The following DIAPH2 variants were observed in gnomAD, a reference collection of about 807,000 sequenced individuals.
DIAPH2 encodes protein diaphanous homolog 2.
Under a neutral mutation model 92.7 loss-of-function variants are expected in DIAPH2, and 35 were observed. The observed-to-expected ratio is 0.38, with a 90% CI of 0.29 to 0.50. The LOEUF is 0.50. Ranked by LOEUF, DIAPH2 falls within the 20% of genes least tolerant of loss-of-function variation. The pLI, the probability that DIAPH2 is intolerant of heterozygous loss-of-function variation, is 0.94. For missense variants in DIAPH2, 701 were observed against 819.5 expected (o/e 0.86, Z 1.77); for synonymous variants, 301 against 280.4 (o/e 1.07, Z -0.73).
intron 26 of DIAPH2, among the ~76,000 whole-genome samples, chrX:97,467,128 C>A (rs966845795): frequency 8.9e-6 from 1 of 111,752 alleles, no homozygotes; most frequent in Non-Finnish European, 1.9e-5. Flanking sequence ...GATGAACACA[C>A]CCTTTTATCC....
chrX:97,254,370 T>C (rs1209452083), intron 23 of DIAPH2, among the ~76,000 whole-genome samples: 2 of 109,095 alleles, frequency 1.8e-5, no homozygotes, highest in South Asian at 4.1e-4. Context: ...CAGGCGCCTG[T>C]AATCCCAGCT....
chrX:97,257,001 G>A (rs2068242355), intron 23 of DIAPH2, among the ~76,000 whole-genome samples: 1 of 97,138 alleles, frequency 1.0e-5, no homozygotes, highest in African/African-American at 3.7e-5. Context: ...GATGAAGACT[G>A]AAAAAAAAAA....
At chrX:97,493,041 T>C (rs1290832295) in intron 26 of DIAPH2, among the ~76,000 whole-genome samples, 1 of 111,972 alleles carries the variant, frequency 8.9e-6, no homozygotes, top group Non-Finnish European at 1.9e-5. Flanking sequence ...GTCTGCTTGA[T>C]GATGTTCAGT....
At position 96,957,943 on chromosome X, in the gene DIAPH2, T is replaced by C. The variant is rs779064561; in HGVS notation, c.1730T>C (p.Leu577Pro). 1 of 1,209,548 alleles carries C rather than the reference T, an allele frequency of 8.3e-7. No homozygotes were observed. The highest frequency in any genetic ancestry group is 1.1e-6 in the Non-Finnish European group (1 of 894,536). Reference sequence around the variant, plus strand: ...CCACCTCTACCCGGAGGAGCTCCTCTTCCTCCTCCACCACCTCCTTTACCT... The same window carrying C: ...CCACCTCTACCCGGAGGAGCTCCTCCTCCTCCTCCACCACCTCCTTTACCT... ...PAPPLPGGAP[L>P]PPPPPPLPGM... Residue 577 changes from leucine (L) to proline (P), a missense_variant, in exon 16 of 27, where the codon CTT becomes CCT. By Grantham distance (98) the Leu-to-Pro change is moderately conservative (BLOSUM62 -3). Transcript: ENST00000324765.
At chrX:96,856,888 A>C (rs2065043829) in intron 4 of DIAPH2, among the ~76,000 whole-genome samples, 1 of 110,139 alleles carries the variant, frequency 9.1e-6, no homozygotes, top group East Asian at 2.8e-4. Context: ...AATACAAAAA[A>C]ATTAGCTGGA....
At chrX:97,226,765 G>A (rs942961130) in intron 22 of DIAPH2, among the ~76,000 whole-genome samples, 1 of 112,067 alleles carries the variant, frequency 8.9e-6, no homozygotes, top group African/African-American at 3.2e-5. Context: ...CAGCAGAAAT[G>A]TTTGTGTATT....
intron 13 of DIAPH2, among the ~76,000 whole-genome samples, chrX:96,943,152 TTTATA>T (rs1472978374): frequency 1.8e-5 from 2 of 110,713 alleles, no homozygotes; most frequent in African/African-American, 3.3e-5. Context: ...TTCTTGGAAC[TTTATA>T]TTATGAGAGT....
intron 26 of DIAPH2, among the ~76,000 whole-genome samples, chrX:97,439,855 G>A (rs149031595): frequency 0.016 from 1,816 of 111,542 alleles, 44 homozygotes; most frequent in African/African-American, 0.056. Flanking sequence ...GTGGGTGGTA[G>A]TACATATGTA....
At chrX:97,529,640 A>G (rs977172304) in intron 26 of DIAPH2, among the ~76,000 whole-genome samples, 1 of 112,154 alleles carries the variant, frequency 8.9e-6, no homozygotes, top group African/African-American at 3.2e-5. Context: ...GGGCATATAT[A>G]GAAAAATCAC....
rs759416591 is a variant in DIAPH2 at position 97,073,025 on chromosome X, A to G, written c.2135A>G (p.Lys712Arg). ...KVKELRILDP[K>R]TAQNLSIFLG... ...AAAGAACTGAGAATTTTGGATCCCA[A>G]AACAGCTCAGAATCTGTGTATGTAA... The change falls in exon 18 of 27, where the codon AAA becomes AGA. Residue 712 changes from lysine to arginine, a missense_variant. This residue lies in a region of DIAPH2 where 536 missense variants were observed against 599.3 expected (regional missense o/e 0.89). Transcript: ENST00000324765. The G allele has an allele frequency of 1.3e-5, 15 of 1,194,716 alleles. No individual in the cohort carries two copies. The highest frequency in any genetic ancestry group is 2.3e-5 in the Admixed American group (1 of 44,245).
At chrX:96,949,687 C>CAAA (rs1167294262) in intron 15 of DIAPH2, among the ~76,000 whole-genome samples, 5 of 40,312 alleles carry the variant, frequency 1.2e-4, no homozygotes, top group Admixed American at 7.6e-4. Flanking sequence ...ACTAAAAATA[C>CAAA]AAAAAAAAAA....
chrX:96,914,192 T>A (rs1023130378), intron 7 of DIAPH2, among the ~76,000 whole-genome samples: 5 of 110,937 alleles, frequency 4.5e-5, no homozygotes, highest in African/African-American at 1.6e-4. Context: ...TGCTTGCTAG[T>A]GGACATGAGA....
intron 26 of DIAPH2, among the ~76,000 whole-genome samples, chrX:97,483,195 G>A (rs1407989261): frequency 2.7e-5 from 3 of 109,636 alleles, no homozygotes; most frequent in African/African-American, 1.0e-4. Flanking sequence ...TAGATTGATA[G>A]TTCAGAAGGA....
At chrX:97,566,259 T>TG (rs201957691) in intron 26 of DIAPH2, among the ~76,000 whole-genome samples, 1,371 of 112,174 alleles carry the variant, frequency 0.012, 17 homozygotes, top group African/African-American at 0.041. Flanking sequence ...CGGGAAGGTA[T>TG]GCTTTATATT....
At chrX:97,179,838 A>G (rs965166871) in intron 22 of DIAPH2, among the ~76,000 whole-genome samples, 3 of 112,097 alleles carry the variant, frequency 2.7e-5, no homozygotes, top group African/African-American at 9.7e-5. Context: ...CAGAATCATC[A>G]CAGGCACTTT....
chrX:97,049,378 G>T (rs1032414236), intron 17 of DIAPH2, among the ~76,000 whole-genome samples: 1 of 110,673 alleles, frequency 9.0e-6, no homozygotes, highest in Non-Finnish European at 1.9e-5. Context: ...ATGTCAAATA[G>T]AATTCGACAA....
At chrX:97,293,346 A>G (rs1010186606) in intron 23 of DIAPH2, among the ~76,000 whole-genome samples, 9 of 94,559 alleles carry the variant, frequency 9.5e-5, no homozygotes, top group African/African-American at 3.3e-4. Flanking sequence ...TCCGCCTCCC[A>G]GGTTCAGGCC....
chrX:97,201,683 A>G (rs2067751858), intron 22 of DIAPH2, among the ~76,000 whole-genome samples: 1 of 110,400 alleles, frequency 9.1e-6, no homozygotes, highest in Non-Finnish European at 1.9e-5. Context: ...AAGACCAACT[A>G]TGATTGTTTG....
intron 4 of DIAPH2, among the ~76,000 whole-genome samples, chrX:96,777,231 G>A (rs938444118): frequency 9.0e-6 from 1 of 111,477 alleles, no homozygotes; most frequent in Admixed American, 9.6e-5. Context: ...GTAGTCATAG[G>A]CCATTTTTAT....
Sources: gnomAD v4.1 joint callset for allele counts (sites outside exome capture counted in the v4.1 genomes callset) on GRCh38, gnomAD v4.1.1 for gene constraint, gnomAD v4.1.1 regional missense constraint, MANE v1.5 for transcripts, NCBI Gene and HGNC (gene_info 2026-07-23, HGNC 2026-07-21) for gene names.